The following THEMIS variants were observed in gnomAD, a reference collection of about 807,000 sequenced individuals.
THEMIS encodes protein THEMIS.
Under a neutral mutation model 52.6 loss-of-function variants are expected in THEMIS, and 37 were observed. The observed-to-expected ratio is 0.70, with a 90% CI of 0.54 to 0.93. THEMIS has a LOEUF of 0.93. Among genes scored for constraint, THEMIS ranks in the 40% least tolerant of loss-of-function variants. The pLI, the probability that THEMIS is intolerant of heterozygous loss-of-function variation, is 0.00. For missense variants in THEMIS, 808 were observed against 763.1 expected, an observed-to-expected ratio of 1.06 and a Z score of -0.69; for synonymous variants, 292 against 272.7, an observed-to-expected ratio of 1.07 and a Z score of -0.70.
chr6:127,820,067 G>A (rs548790206), intron 3 of THEMIS, among the ~76,000 whole-genome samples: 6 of 152,066 alleles, frequency 3.9e-5, no homozygotes, highest in Non-Finnish European at 8.8e-5. Flanking sequence ...TACTCATGAC[G>A]TTATTTGTGC....
intron 3 of THEMIS, among the ~76,000 whole-genome samples, chr6:127,818,727 G>A (rs1778220431): frequency 6.6e-6 from 1 of 152,028 alleles, no homozygotes; most frequent in Admixed American, 6.5e-5. Flanking sequence ...ATAATGCTAA[G>A]GAGTATAATG....
At chr6:127,718,282 G>A (rs767059715) in intron 5 of THEMIS, among the ~76,000 whole-genome samples, 3 of 151,802 alleles carry the variant, frequency 2.0e-5, no homozygotes, top group Non-Finnish European at 4.4e-5. Context: ...AATTGATCTA[G>A]GAAAGGAGAT....
intron 2 of THEMIS, among the ~76,000 whole-genome samples, chr6:127,841,973 T>C (rs1779063609): frequency 6.6e-6 from 1 of 152,016 alleles, no homozygotes; most frequent in African/African-American, 2.4e-5. Context: ...GCGAATTATC[T>C]AAAAGGCAGG....
chr6:127,854,695 T>C (rs1452414936), intron 2 of THEMIS, among the ~76,000 whole-genome samples: 1 of 151,884 alleles, frequency 6.6e-6, no homozygotes. Context: ...TGATGTTACT[T>C]AGTTCTACAG....
intron 1 of THEMIS, among the ~76,000 whole-genome samples, chr6:127,861,097 A>C (rs1779783201): frequency 6.6e-6 from 1 of 152,110 alleles, no homozygotes; most frequent in Admixed American, 6.5e-5. Context: ...CCCATATTTC[A>C]CCCAAATTTT....
At chr6:127,815,164 TA>T (rs5879862) in intron 3 of THEMIS, among the ~76,000 whole-genome samples, 10,626 of 150,958 alleles carry the variant, frequency 0.07, 370 homozygotes, top group Non-Finnish European at 0.086. Context: ...AACATAAAAA[TA>T]AAAAAAAATA....
chr6:127,724,891 C>A (rs1291869006), intron 4 of THEMIS, among the ~76,000 whole-genome samples: 1 of 151,978 alleles, frequency 6.6e-6, no homozygotes, highest in African/African-American at 2.4e-5. Context: ...TCATCTCATA[C>A]CTAAGGCCAT....
chr6:127,904,937 T>A (rs1253886672), upstream of THEMIS, among the ~76,000 whole-genome samples: 1 of 151,014 alleles, frequency 6.6e-6, no homozygotes, highest in African/African-American at 2.4e-5. Context: ...AAATATCTGC[T>A]CTCTCTCTTT....
At chr6:127,846,832 C>CA (rs373311715) in intron 2 of THEMIS, among the ~76,000 whole-genome samples, 1,828 of 147,476 alleles carry the variant, frequency 0.012, 40 homozygotes, top group African/African-American at 0.044. Flanking sequence ...AAGGCCTTAA[C>CA]AAAAAAAAAG....
At chr6:127,735,228 A>G (rs1040307599) in intron 4 of THEMIS, among the ~76,000 whole-genome samples, 1 of 152,014 alleles carries the variant, frequency 6.6e-6, no homozygotes, top group South Asian at 2.1e-4. Flanking sequence ...GACTGAGCAA[A>G]TGAATGCGGG....
intron 1 of THEMIS, among the ~76,000 whole-genome samples, chr6:127,913,696 A>G (rs1251553238): frequency 6.6e-6 from 1 of 152,230 alleles, no homozygotes; most frequent in Non-Finnish European, 1.5e-5. Context: ...TCACCAAAGC[A>G]TTATTTAATC....
intron 4 of THEMIS, among the ~76,000 whole-genome samples, chr6:127,750,319 GT>G (rs912700589): frequency 3.3e-4 from 49 of 150,168 alleles, no homozygotes; most frequent in African/African-American, 1.1e-3. Flanking sequence ...AGTCAGGCAT[GT>G]TTTTTTTTCA....
intron 2 of THEMIS, among the ~76,000 whole-genome samples, chr6:127,835,608 G>C (rs754455473): frequency 6.6e-6 from 1 of 152,092 alleles, no homozygotes; most frequent in Non-Finnish European, 1.5e-5. Context: ...GCCATTGTAG[G>C]ATGGTTATAA....
intron 5 of THEMIS, among the ~76,000 whole-genome samples, chr6:127,718,775 G>A (rs926775631): frequency 2.0e-5 from 3 of 151,804 alleles, no homozygotes; most frequent in Admixed American, 1.3e-4. Flanking sequence ...TTTCTCTCTC[G>A]GAGAGAGTCA....
chr6:127,854,371 G>T (rs1274819697), intron 2 of THEMIS, among the ~76,000 whole-genome samples: 3 of 151,802 alleles, frequency 2.0e-5, no homozygotes, highest in Non-Finnish European at 4.4e-5. Context: ...GCTCTTTATA[G>T]AAAAAGTCTG....
intron 3 of THEMIS, among the ~76,000 whole-genome samples, chr6:127,818,040 G>A (rs963023059): frequency 2.0e-5 from 3 of 152,148 alleles, no homozygotes; most frequent in African/African-American, 7.2e-5. Flanking sequence ...ACCAACTTGT[G>A]CTTTACCAGA....
intron 4 of THEMIS, among the ~76,000 whole-genome samples, chr6:127,761,782 A>G (rs914893515): frequency 1.3e-5 from 2 of 152,070 alleles, no homozygotes; most frequent in Admixed American, 1.3e-4. Flanking sequence ...CTTTATTTCT[A>G]TCCTGGGAGA....
chr6:127,808,817 T>C (rs916900030), intron 4 of THEMIS, among the ~76,000 whole-genome samples: 3 of 152,224 alleles, frequency 2.0e-5, no homozygotes, highest in African/African-American at 7.2e-5. Flanking sequence ...CAATCTTACC[T>C]TGGAAAACAA....
At chr6:127,916,969 A>G (rs1274995487) in intron 1 of THEMIS, among the ~76,000 whole-genome samples, 1 of 152,238 alleles carries the variant, frequency 6.6e-6, no homozygotes, top group Non-Finnish European at 1.5e-5. Context: ...AAGTCCACTG[A>G]CAAGCATCAG....
Sources: gnomAD v4.1 joint callset for allele counts (sites outside exome capture counted in the v4.1 genomes callset) on GRCh38, gnomAD v4.1.1 for gene constraint, MANE v1.5 for transcripts, NCBI Gene and HGNC (gene_info 2026-07-23, HGNC 2026-07-21) for gene names.